TPRG1L: variants seen among roughly 807,000 people sequenced by gnomAD.
TPRG1L encodes tumor protein p63-regulated gene 1-like protein.
A neutral mutation model predicts 29.4 loss-of-function variants in TPRG1L; 25 were observed. That is an observed-to-expected ratio of 0.85 (90% CI 0.62 to 1.19). TPRG1L has a LOEUF of 1.19. Ranked by LOEUF, TPRG1L falls within the 50% of genes most tolerant of loss-of-function variation. The probability of loss-of-function intolerance (pLI) is 0.00; values close to 1 mark genes in which losing one functional copy is unlikely to be tolerated. For synonymous variants in TPRG1L, 182 were observed against 151.1 expected (o/e 1.20, Z -1.50); for missense variants, 354 against 364.4 (o/e 0.97, Z 0.23).
At chr1:3,626,153 A>G (rs552981116) in intron 3 of TPRG1L, among the ~76,000 whole-genome samples, 1 of 152,384 alleles carries the variant, frequency 6.6e-6, no homozygotes, top group South Asian at 2.1e-4. Context: ...GATGCATTGA[A>G]GTAGAGCCCA....
At chr1:3,625,952 C>T in intron 3 of TPRG1L, 63 bp downstream of exon 3, 3 of 1,486,386 alleles carry the variant, frequency 2.0e-6, no homozygotes, top group Non-Finnish European at 1.8e-6. Flanking sequence ...TACAATTCAG[C>T]CCTTTTAAAT....
In TPRG1L at chr1:3,628,630, C is replaced by A. The variant is rs1479492130; in HGVS notation, c.*27C>A. On this transcript the variant is annotated 3_prime_UTR_variant, in exon 5 of 5. Transcript: ENST00000378344. ...CGCTGCGTTCTGGGAGCTCCTCCCCCTTCTGGGAGCTCCTCCCCCTCCCCA... is the reference window on the plus strand; with the variant it reads ...CGCTGCGTTCTGGGAGCTCCTCCCCATTCTGGGAGCTCCTCCCCCTCCCCA... 2.5e-5 allele frequency: 1 copy of A among 40,688 alleles called. No homozygotes were observed. Among genetic ancestry groups the A allele is most frequent in the Non-Finnish European group, 3.0e-5 (1 of 33,740 alleles). The allele number at this position is 40,688 out of a possible 1,614,324, so 2.5% of individuals were successfully genotyped here.
chr1:3,627,368 T>C, intron 3 of TPRG1L, 132 bp from the exon 4 acceptor site: 1 of 918,232 alleles, frequency 1.1e-6, no homozygotes, highest in South Asian at 1.8e-5. Context: ...TCCATTGTGA[T>C]ATGTCATAGG....
chr1:3,626,829 T>C (rs1383826835), intron 3 of TPRG1L, among the ~76,000 whole-genome samples: 1 of 152,198 alleles, frequency 6.6e-6, no homozygotes, highest in African/African-American at 2.4e-5. Flanking sequence ...TCCGCCCATT[T>C]TGGCCTCCCA....
intron 4 of TPRG1L, 95 bp downstream of exon 4, chr1:3,627,748 G>A: frequency 6.6e-7 from 1 of 1,505,966 alleles, no homozygotes; most frequent in Non-Finnish European, 9.0e-7. Context: ...CTGTCCGGCG[G>A]CCACGCGGAG....
chr1:3,626,919 C>A (rs1052754660), intron 3 of TPRG1L, among the ~76,000 whole-genome samples: 1 of 152,078 alleles, frequency 6.6e-6, no homozygotes, highest in Non-Finnish European at 1.5e-5. Context: ...TAAAGATTAC[C>A]AAAATAATAC....
At chr1:3,625,610 C>A in intron 2 of TPRG1L, 95 bp downstream of exon 2, 1 of 1,559,314 alleles carries the variant, frequency 6.4e-7, no homozygotes, top group South Asian at 1.2e-5. Context: ...GTGCCACGCT[C>A]AGGCGCCCCG....
In TPRG1L at chr1:3,625,270, C is replaced by G; in HGVS notation, c.198C>G (p.Phe66Leu). ...RRARVKEYFV[F>L]RPGSIEQAVE... ...CCCGCGTCAAGGAGTACTTCGTGTT[C>G]CGGGTGAGGCAGGGGCCAGGGCCGG... Residue 66 changes from phenylalanine (F) to leucine (L), a missense_variant, in exon 1 of 5, where the codon TTC (phenylalanine) becomes TTG (leucine). Coordinates refer to ENST00000378344, the MANE Select transcript of TPRG1L (RefSeq NM_182752.4). 1 of 1,392,556 alleles carries G rather than the reference C, an allele frequency of 7.2e-7. No homozygotes were observed. The highest frequency in any genetic ancestry group is 9.2e-7 in the Non-Finnish European group (1 of 1,081,808). The allele number at this position is 1,392,556 out of a possible 1,614,324, so 86.3% of individuals were successfully genotyped here.
In TPRG1L at chr1:3,625,135, C is replaced by T. The variant is rs1313733083; in HGVS notation, c.63C>T (p.Ala21=). 1.3e-5 allele frequency: 16 copies of T among 1,225,488 alleles called. No individual in the cohort carries two copies. The African/African-American group carries it at 1.9e-4, about 15-fold the overall frequency. The allele number at this position is 1,225,488 out of a possible 1,614,324, so 75.9% of individuals were successfully genotyped here. A position where few individuals can be genotyped will look rare whatever the true frequency, so the allele number is the denominator to read the frequency against. Residue 21 remains alanine (A), a synonymous_variant, in exon 1 of 5, where the codon GCC becomes GCT. Coordinates refer to ENST00000378344, the MANE Select transcript of TPRG1L (RefSeq NM_182752.4). ...AGTSPTAVLA[A]GEEVGAGGGP... ...CGAGCCCCACGGCGGTGCTGGCGGC[C>T]GGCGAGGAGGTGGGGGCAGGCGGCG...
In TPRG1L at chr1:3,627,646, T is replaced by C; in HGVS notation, c.617T>C (p.Leu206Pro). 3.1e-6 allele frequency: 5 copies of C among 1,613,170 alleles called. No homozygotes were observed. Among genetic ancestry groups the C allele is most frequent in the Non-Finnish European group, 4.2e-6 (5 of 1,179,956 alleles). Residue 206 changes from leucine (L) to proline (P), a missense_variant, in exon 4 of 5, where the codon CTG becomes CCG. Leu to Pro is a moderately conservative substitution (Grantham distance 98). Transcript: ENST00000378344. ...GGCGCAGATGAGAAGACAGCATCTC[T>C]GTGTCAGGTAAGAAGACAGGCACAT... Reference protein sequence around the residue: ...MAGADEKTASLCQLESFKALL... With the variant: ...MAGADEKTASPCQLESFKALL...
At chr1:3,625,564 C>A in intron 2 of TPRG1L, 49 bp downstream of exon 2, 1 of 1,575,382 alleles carries the variant, frequency 6.3e-7, no homozygotes, top group Non-Finnish European at 8.6e-7. Flanking sequence ...CCCCGAGCCG[C>A]CGCGCAGCAC....
Position 3,630,117 on chromosome 1 carries a change from G to T in TPRG1L, c.*1514G>T, listed in dbSNP as rs1644514607. 6.6e-6 allele frequency: 1 copy of T among 152,238 alleles called. No homozygotes were observed. Among genetic ancestry groups the T allele is most frequent in the Non-Finnish European group, 1.5e-5 (1 of 68,060 alleles). 9.4% of individuals were successfully genotyped at this position (152,238 alleles called of 1,614,324 possible). A position where few individuals can be genotyped will look rare whatever the true frequency, so the allele number is the denominator to read the frequency against. On this transcript the variant is annotated 3_prime_UTR_variant, in exon 5 of 5. Transcript: ENST00000378344. ...TTTTGAAGTTGTCATTAAAGTAGGT[G>T]CAACAACCAAGAAAGTGTCTCTTCC...
intron 2 of TPRG1L, 29 bp from the exon 3 acceptor site, chr1:3,625,684 G>A (rs1335737177): frequency 6.3e-7 from 1 of 1,599,352 alleles, no homozygotes; most frequent in South Asian, 1.1e-5. Flanking sequence ...CGCGTCCAGT[G>A]TGGACTGAGG....
chr1:3,625,497 G>T lies in TPRG1L; in HGVS notation c.275G>T (p.Gly92Val). The T allele has an allele frequency of 6.2e-7, 1 of 1,606,062 alleles. No homozygotes were observed. The change falls in exon 2 of 5, where the codon GGA (glycine) becomes GTA (valine). Residue 92 changes from glycine (G) to valine (V), a missense_variant. By Grantham distance (109) the Gly-to-Val change is moderately radical. Coordinates refer to ENST00000378344, the MANE Select transcript of TPRG1L (RefSeq NM_182752.4). Reference protein sequence around the residue: ...VRPVEDGEIQGVWLLTEVDHW... With the variant: ...VRPVEDGEIQVVWLLTEVDHW... The stretch of plus-strand genomic sequence containing the variant: ...CCCGTGGAGGACGGCGAGATCCAGG[G>T]AGTGTGGCTGCTTACCGAGTAAGCC...
intron 4 of TPRG1L, among the ~76,000 whole-genome samples, chr1:3,628,112 T>C (rs1014049925): frequency 1.3e-5 from 2 of 152,094 alleles, no homozygotes; most frequent in African/African-American, 2.4e-5. Flanking sequence ...ACTGACCTGG[T>C]AGGTTGGGTG....
At position 3,625,048 on chromosome 1, in the gene TPRG1L, G is replaced by A. The variant is rs1644472370; in HGVS notation, c.-25G>A. On this transcript the variant is annotated 5_prime_UTR_variant, in exon 1 of 5. Transcript: ENST00000378344. ...CGACGGCGGTCGCGTCGGCGTCAGG[G>A]TCGGGGTCGGTAAGGGGTGCGGCAA... 1.7e-6 allele frequency: 2 copies of A among 1,198,970 alleles called. No individual in the cohort carries two copies. The highest frequency in any genetic ancestry group is 4.6e-5 in the Admixed American group (1 of 21,928). 74.3% of individuals were successfully genotyped at this position (1,198,970 alleles called of 1,614,324 possible).
chr1:3,625,628 C>G, intron 2 of TPRG1L, 85 bp from the exon 3 acceptor site: 2 of 1,566,354 alleles, frequency 1.3e-6, no homozygotes, highest in South Asian at 2.4e-5. Context: ...CCGTGCCGCC[C>G]CTGCTGCCCT....
At chr1:3,627,764 G>T in intron 4 of TPRG1L, 111 bp downstream of exon 4, 1 of 1,382,598 alleles carries the variant, frequency 7.2e-7, no homozygotes, top group Non-Finnish European at 9.9e-7. Context: ...CGGAGCTGCC[G>T]AGCACTTGAG....
rs369907457 is a variant in TPRG1L at position 3,625,767 on chromosome 1, C to T, written c.348C>T (p.Ser116=). Residue 116 remains serine, a synonymous_variant, in exon 3 of 5, where the codon TCC becomes TCT. Coordinates refer to ENST00000378344, the MANE Select transcript of TPRG1L (RefSeq NM_182752.4). ...KERLVLVTEQ[S]LLICKYDFIS... Reference sequence around the variant, plus strand: ...GGCTGGTGCTGGTCACGGAGCAGTCCCTGCTTATCTGTAAATACGACTTCA... The same window carrying T: ...GGCTGGTGCTGGTCACGGAGCAGTCTCTGCTTATCTGTAAATACGACTTCA... 7.1e-5 allele frequency: 115 copies of T among 1,613,496 alleles called. 1 individual carries two copies. Among genetic ancestry groups the T allele is most frequent in the Non-Finnish European group, 9.1e-5 (107 of 1,180,018 alleles).
Sources: gnomAD v4.1 joint callset for allele counts (sites outside exome capture counted in the v4.1 genomes callset) on GRCh38, gnomAD v4.1.1 for gene constraint, MANE v1.5 for transcripts, NCBI Gene and HGNC (gene_info 2026-07-23, HGNC 2026-07-21) for gene names.